RIT2: variants seen among roughly 807,000 people sequenced by gnomAD.
The protein encoded by RIT2 is GTP-binding protein Rit2.
A neutral mutation model predicts 23.7 loss-of-function variants in RIT2; 24 were observed. The ratio of observed to expected loss-of-function variants is 1.01; its 90% confidence interval spans 0.73 to 1.43. The LOEUF is 1.43. RIT2 is among the 40% of genes most tolerant of loss of function. RIT2 has a pLI of 0.00. For missense variants in RIT2, 236 were observed against 266.9 expected, an observed-to-expected ratio of 0.88 and a Z score of 0.81; for synonymous variants, 107 against 91.1, an observed-to-expected ratio of 1.17 and a Z score of -0.99.
intron 2 of RIT2, among the ~76,000 whole-genome samples, chr18:42,996,177 A>C (rs553930692): frequency 1.3e-5 from 2 of 152,160 alleles, no homozygotes; most frequent in South Asian, 2.1e-4. Context: ...CTAAATGACA[A>C]ATGTTTCTTC....
rs182972338 is a variant in RIT2, at chr18:42,843,449, T to C, written c.426+80123A>G. On this transcript the variant is annotated intron_variant, in intron 4 of 4. Coordinates refer to ENST00000326695, the MANE Select transcript of RIT2 (RefSeq NM_002930.4). ...TTAGAGATCATGAAATACATACTTA[T>C]AAAACTCTTTGATGCTTTGGCCAAG... 2.9e-4 allele frequency among the ~76,000 whole-genome samples: 44 copies of C among 152,324 alleles called. No homozygotes were observed. In the East Asian group the frequency reaches 8.3e-3, roughly 29 times the overall value.
At chr18:42,793,273 T>C (rs1309321920) in intron 4 of RIT2, among the ~76,000 whole-genome samples, 2 of 152,220 alleles carry the variant, frequency 1.3e-5, no homozygotes, top group Non-Finnish European at 2.9e-5. Context: ...AGTCAAATTT[T>C]CTAAGCTTTT....
intron 3 of RIT2, among the ~76,000 whole-genome samples, chr18:42,942,070 G>A (rs572897039): frequency 2.0e-5 from 3 of 151,620 alleles, no homozygotes; most frequent in African/African-American, 4.8e-5. Context: ...CATCAAAAAA[G>A]TTGTTTTATA....
Position 42,943,813 on chromosome 18 carries a change from A to G in RIT2, c.235-20050T>C, listed in dbSNP as rs140394770. 3.0e-3 allele frequency among the ~76,000 whole-genome samples: 463 copies of G among 152,272 alleles called. 1 individual carries two copies. Among genetic ancestry groups the G allele is most frequent in the African/African-American group, 0.011 (441 of 41,572 alleles). On this transcript the variant is annotated intron_variant, in intron 3 of 4. Transcript: ENST00000326695. ...CATTAGGTGAGGACTTACTGTACTT[A>G]CTTTTGTCCTAAATTATGGAGTTAT...
chr18:42,769,431 G>A (rs1197464103), intron 4 of RIT2, among the ~76,000 whole-genome samples: 4 of 151,966 alleles, frequency 2.6e-5, no homozygotes, highest in Non-Finnish European at 1.5e-5. Flanking sequence ...CTACTGTGTA[G>A]GCATTACTGT....
intron 4 of RIT2, among the ~76,000 whole-genome samples, chr18:42,762,810 A>G (rs1913332738): frequency 6.6e-6 from 1 of 152,212 alleles, no homozygotes; most frequent in South Asian, 2.1e-4. Context: ...TCTCAAATCA[A>G]CCAATGCAGT....
intron 4 of RIT2, among the ~76,000 whole-genome samples, chr18:42,766,835 C>T (rs773179726): frequency 2.8e-4 from 42 of 152,288 alleles, no homozygotes; most frequent in African/African-American, 8.7e-4. Flanking sequence ...CTGCCCCAGC[C>T]GTGGCTGAAA....
At chr18:42,950,437 A>C (rs1454646124) in intron 3 of RIT2, among the ~76,000 whole-genome samples, 2 of 152,122 alleles carry the variant, frequency 1.3e-5, no homozygotes, top group Admixed American at 1.3e-4. Flanking sequence ...AACTATAAGA[A>C]TCCTACAAGA....
chr18:42,822,416 T>C (rs1763411138), intron 4 of RIT2, among the ~76,000 whole-genome samples: 1 of 152,174 alleles, frequency 6.6e-6, no homozygotes, highest in Non-Finnish European at 1.5e-5. Flanking sequence ...GCACATGTTG[T>C]TGGCGACGGT....
At chr18:42,999,562 A>C (rs183240412) in intron 2 of RIT2, among the ~76,000 whole-genome samples, 1 of 152,230 alleles carries the variant, frequency 6.6e-6, no homozygotes, top group Admixed American at 6.5e-5. Context: ...AAGGAGTCAA[A>C]CAATCCAACT....
intron 2 of RIT2, among the ~76,000 whole-genome samples, chr18:43,025,703 G>A (rs535849123): frequency 3.5e-4 from 53 of 152,134 alleles, no homozygotes; most frequent in African/African-American, 1.3e-3. Flanking sequence ...GATGAAACTA[G>A]AGGCAATTAG....
chr18:42,860,197 G>A (rs1352004073), intron 4 of RIT2, among the ~76,000 whole-genome samples: 1 of 152,174 alleles, frequency 6.6e-6, no homozygotes, highest in Non-Finnish European at 1.5e-5. Context: ...CAGTGCTGTA[G>A]AGATTAAGTT....
intron 3 of RIT2, among the ~76,000 whole-genome samples, chr18:42,942,709 A>T (rs539232099): frequency 5.3e-5 from 8 of 152,244 alleles, no homozygotes; most frequent in African/African-American, 1.9e-4. Context: ...GAGTGTGGCC[A>T]GCAATGGGAT....
intron 1 of RIT2, among the ~76,000 whole-genome samples, chr18:43,107,466 T>C (rs908276039): frequency 6.6e-6 from 1 of 152,308 alleles, no homozygotes; most frequent in African/African-American, 2.4e-5. Context: ...TTTGTCAGTT[T>C]CTATTAATTA....
chr18:43,069,352 A>G (rs1031320459), intron 1 of RIT2, among the ~76,000 whole-genome samples: 2 of 152,034 alleles, frequency 1.3e-5, no homozygotes, highest in African/African-American at 4.8e-5. Context: ...TTGGCTTTAC[A>G]CTGTGGACTC....
chr18:42,878,824 T>A (rs571754727), intron 4 of RIT2, among the ~76,000 whole-genome samples: 17 of 151,974 alleles, frequency 1.1e-4, no homozygotes, highest in Non-Finnish European at 2.5e-4. Context: ...CAGCTTTCTG[T>A]ACCGCCCCCC....
chr18:42,883,292 G>A (rs1047752006), intron 4 of RIT2, among the ~76,000 whole-genome samples: 2 of 152,166 alleles, frequency 1.3e-5, no homozygotes, highest in Non-Finnish European at 2.9e-5. Flanking sequence ...GAGGAAGCTG[G>A]TGATCTAATA....
chr18:43,096,312 TG>T (rs1913551795), intron 1 of RIT2, among the ~76,000 whole-genome samples: 1 of 151,900 alleles, frequency 6.6e-6, no homozygotes, highest in South Asian at 2.1e-4. Context: ...ATTCATAGAA[TG>T]TAGCTGGAAA....
intron 4 of RIT2, among the ~76,000 whole-genome samples, chr18:42,849,908 C>T (rs894305268): frequency 6.6e-6 from 1 of 152,130 alleles, no homozygotes; most frequent in African/African-American, 2.4e-5. Flanking sequence ...CCTCAATTTT[C>T]TCATCTATAT....
Sources: allele counts gnomAD v4.1 joint callset (sites outside exome capture counted in the v4.1 genomes callset), GRCh38; gene constraint gnomAD v4.1.1; transcripts MANE v1.5; gene names NCBI Gene and HGNC (gene_info 2026-07-23, HGNC 2026-07-21).